Variants in MED27 observed in about 807,000 individuals in gnomAD.
MED27 encodes mediator complex subunit 27.
In MED27, 30 loss-of-function variants were observed where a neutral mutation model predicts 38.2. The observed-to-expected ratio is 0.79, with a 90% CI of 0.59 to 1.07. MED27 has a LOEUF of 1.07. Ranked by LOEUF, MED27 falls within the 50% of genes least tolerant of loss-of-function variation. The pLI is 0.00. For synonymous variants in MED27, 122 were observed against 153.5 expected, an observed-to-expected ratio of 0.79 and a Z score of 1.52; for missense variants, 289 against 397.5, an observed-to-expected ratio of 0.73 and a Z score of 2.32.
intron 4 of MED27, among the ~76,000 whole-genome samples, chr9:131,899,680 G>GT (rs2131513518): frequency 6.6e-6 from 1 of 152,314 alleles, no homozygotes; most frequent in East Asian, 1.9e-4. Context: ...GAAGGGTAAC[G>GT]TAACAGGAGC....
At chr9:131,974,745 T>C (rs577564456) in intron 3 of MED27, among the ~76,000 whole-genome samples, 16 of 152,326 alleles carry the variant, frequency 1.1e-4, no homozygotes, top group African/African-American at 3.8e-4. Flanking sequence ...TGACTTTGAC[T>C]GTAAACTTTC....
At chr9:132,030,042 A>G (rs1310551356) in intron 2 of MED27, among the ~76,000 whole-genome samples, 1 of 152,238 alleles carries the variant, frequency 6.6e-6, no homozygotes, top group East Asian at 1.9e-4. Context: ...GCAGAAGACA[A>G]CAAACTGGTG....
chr9:131,882,996 C>T (rs1839074778), intron 6 of MED27, among the ~76,000 whole-genome samples: 1 of 151,864 alleles, frequency 6.6e-6, no homozygotes, highest in South Asian at 2.1e-4. Flanking sequence ...CAACCTCTGT[C>T]TCCCAGGTTT....
chr9:132,038,013 A>T (rs1331993394), intron 2 of MED27, among the ~76,000 whole-genome samples: 1 of 151,910 alleles, frequency 6.6e-6, no homozygotes, highest in Non-Finnish European at 1.5e-5. Context: ...AGGAATCAAC[A>T]GAAGTTACAA....
rs1838642305 is a variant in MED27, at chr9:131,860,945, G to A, written c.802-273C>T. ...AGGAAGGCCTCCCTGGAGTCCCCGTGAACCACCGAGCAGCCTGGTGGTCTG... is the reference window on the plus strand; with the variant it reads ...AGGAAGGCCTCCCTGGAGTCCCCGTAAACCACCGAGCAGCCTGGTGGTCTG... On this transcript the variant is annotated intron_variant, in intron 7 of 7. Transcript: ENST00000292035. This position sits in a 1 kb window ranked among gnomAD's most constrained non-coding sequence, Gnocchi z 5.8. Among the ~76,000 whole-genome samples, 1 of 152,050 alleles carries A rather than the reference G, an allele frequency of 6.6e-6. No individual in the cohort carries two copies.
chr9:131,998,191 G>A (rs1331176710), intron 3 of MED27, among the ~76,000 whole-genome samples: 1 of 151,760 alleles, frequency 6.6e-6, no homozygotes, highest in Non-Finnish European at 1.5e-5. Flanking sequence ...GCGCACTTGG[G>A]GAGAGCTACG....
At chr9:131,958,888 G>A (rs1831158296) in intron 3 of MED27, among the ~76,000 whole-genome samples, 1 of 152,222 alleles carries the variant, frequency 6.6e-6, no homozygotes, top group Non-Finnish European at 1.5e-5. Flanking sequence ...CAGACTCCAC[G>A]TGCTGAGCAG....
Position 131,889,884 on chromosome 9 carries a change from CA to C in MED27, c.681+4000del. On this transcript the variant is annotated intron_variant, in intron 5 of 7. Coordinates refer to ENST00000292035, the MANE Select transcript of MED27 (RefSeq NM_004269.4). This position sits in a 1 kb window ranked among gnomAD's most constrained non-coding sequence, Gnocchi z 4.2. ...GTGGCTGTGCTCCAGGAGACTGCAGCAAAACACCCCCCTGCAGCCACCTAGG... is the reference window on the plus strand; with the variant it reads ...GTGGCTGTGCTCCAGGAGACTGCAGCAAACACCCCCCTGCAGCCACCTAGG... 1.3e-5 allele frequency among the ~76,000 whole-genome samples: 2 copies of C among 152,302 alleles called. No individual in the cohort carries two copies. Among genetic ancestry groups the C allele is most frequent in the South Asian group, 4.1e-4 (2 of 4,828 alleles).
At chr9:132,079,527 G>C in intron 1 of MED27, 115 bp downstream of exon 1, 2 of 941,542 alleles carry the variant, frequency 2.1e-6, no homozygotes, top group Non-Finnish European at 3.3e-6. Flanking sequence ...AGAAGAGAAA[G>C]AACAGGGATC....
At chr9:131,999,260 C>A (rs763404988) in intron 3 of MED27, among the ~76,000 whole-genome samples, 24 of 152,266 alleles carry the variant, frequency 1.6e-4, no homozygotes, top group Middle Eastern at 6.8e-3. Flanking sequence ...AGTTTCAGCT[C>A]AACCATCCAT....
chr9:131,903,165 T>C (rs1829985188), intron 4 of MED27, among the ~76,000 whole-genome samples: 1 of 152,194 alleles, frequency 6.6e-6, no homozygotes, highest in South Asian at 2.1e-4. Context: ...TTATTGGACT[T>C]ACAGATCCAC....
chr9:131,901,291 C>T (rs1487884324), intron 4 of MED27, among the ~76,000 whole-genome samples: 1 of 152,212 alleles, frequency 6.6e-6, no homozygotes, highest in Non-Finnish European at 1.5e-5. Context: ...AATGTCTGTA[C>T]TGTGTGCAAC....
At chr9:131,955,967 A>G (rs530054274) in intron 3 of MED27, among the ~76,000 whole-genome samples, 50 of 152,350 alleles carry the variant, frequency 3.3e-4, no homozygotes, top group Admixed American at 1.4e-3. Flanking sequence ...GAACAAAGAT[A>G]CAAAATTCCT....
intron 3 of MED27, among the ~76,000 whole-genome samples, chr9:132,011,712 T>C (rs965102920): frequency 3.3e-5 from 5 of 152,158 alleles, no homozygotes; most frequent in Non-Finnish European, 7.4e-5. Context: ...TGATGTCTTT[T>C]AGATATAGCT....
At chr9:131,958,320 C>A (rs1831146900) in intron 3 of MED27, among the ~76,000 whole-genome samples, 1 of 151,734 alleles carries the variant, frequency 6.6e-6, no homozygotes, top group South Asian at 2.1e-4. Context: ...TCTCAGCTCA[C>A]TGCACACCTC....
intron 2 of MED27, among the ~76,000 whole-genome samples, chr9:132,047,804 A>C (rs1346915663): frequency 2.6e-5 from 4 of 152,222 alleles, no homozygotes; most frequent in Non-Finnish European, 5.9e-5. Flanking sequence ...TTCGTAAGCT[A>C]TAGTGGGAAA....
chr9:131,989,308 T>C (rs1330460034), intron 3 of MED27, among the ~76,000 whole-genome samples: 2 of 152,138 alleles, frequency 1.3e-5, no homozygotes, highest in Non-Finnish European at 2.9e-5. Flanking sequence ...AGGAAACAGG[T>C]CTGGTTCTAA....
At chr9:131,895,263 C>A (rs958113806) in intron 4 of MED27, among the ~76,000 whole-genome samples, 5 of 152,112 alleles carry the variant, frequency 3.3e-5, no homozygotes, top group Admixed American at 2.6e-4. Context: ...GGACGCAGAC[C>A]CCAGCCTGGG....
At chr9:131,991,238 G>T (rs751124933) in intron 3 of MED27, among the ~76,000 whole-genome samples, 9 of 152,210 alleles carry the variant, frequency 5.9e-5, no homozygotes, top group Non-Finnish European at 1.0e-4. Flanking sequence ...GCACCTGTGA[G>T]AGAGAAATAC....
Sources: allele counts gnomAD v4.1 joint callset (sites outside exome capture counted in the v4.1 genomes callset), GRCh38; gene constraint gnomAD v4.1.1; non-coding constraint Gnocchi (gnomAD v3.1); transcripts MANE v1.5; gene names NCBI Gene and HGNC (gene_info 2026-07-23, HGNC 2026-07-21).